FTCDNL1: variants seen among roughly 807,000 people sequenced by gnomAD.
The protein encoded by FTCDNL1 is formiminotransferase N-terminal subdomain-containing protein.
A neutral mutation model predicts 5.9 loss-of-function variants in FTCDNL1; 11 were observed. The observed-to-expected ratio is 1.87, with a 90% CI of 1.18 to 3.10. FTCDNL1 has a LOEUF of 3.10. Ranked by LOEUF, FTCDNL1 falls within the 30% of genes most tolerant of loss-of-function variation. FTCDNL1 has a pLI of 0.00. For missense variants in FTCDNL1, 115 were observed against 65.5 expected (o/e 1.76, Z -2.61); for synonymous variants, 58 against 24.8 (o/e 2.34, Z -3.99).
At chr2:199,734,474 G>A in the FTCDNL1 span, among the ~76,000 whole-genome samples, 1 of 152,088 alleles carries the variant, frequency 6.6e-6, no homozygotes, top group Non-Finnish European at 1.5e-5. Flanking sequence ...AGGATATTTG[G>A]AGATTATCAA....
intron 3 of FTCDNL1, among the ~76,000 whole-genome samples, chr2:199,790,155 T>C (rs1158449285): frequency 6.6e-6 from 1 of 152,068 alleles, no homozygotes; most frequent in African/African-American, 2.4e-5. Flanking sequence ...TTAAAATTTC[T>C]GTATAGCATA....
At chr2:199,676,102 C>G in the FTCDNL1 span, among the ~76,000 whole-genome samples, 2 of 152,146 alleles carry the variant, frequency 1.3e-5, no homozygotes, top group African/African-American at 2.4e-5. Context: ...CTGATTATAT[C>G]CCATTAGCTA....
At chr2:199,739,869 T>C in the FTCDNL1 span, among the ~76,000 whole-genome samples, 1 of 152,198 alleles carries the variant, frequency 6.6e-6, no homozygotes, top group East Asian at 1.9e-4. Context: ...AAGATTTGCA[T>C]TCAGGAGACG....
the FTCDNL1 span, among the ~76,000 whole-genome samples, chr2:199,697,975 G>A: frequency 1.1e-4 from 16 of 151,976 alleles, no homozygotes; most frequent in African/African-American, 3.9e-4. Flanking sequence ...CGAAAGCAGG[G>A]GTTGCTATTC....
At chr2:199,834,591 T>C (rs1559236146) in intron 3 of FTCDNL1, among the ~76,000 whole-genome samples, 2 of 152,136 alleles carry the variant, frequency 1.3e-5, no homozygotes, top group African/African-American at 4.8e-5. Flanking sequence ...GCTGGGTTAG[T>C]CTAATTCTCT....
intron 3 of FTCDNL1, among the ~76,000 whole-genome samples, chr2:199,834,991 T>C (rs1391246226): frequency 2.0e-5 from 3 of 151,570 alleles, no homozygotes; most frequent in African/African-American, 4.9e-5. Flanking sequence ...CTGGGCAACA[T>C]AGCAAGACCC....
chr2:199,717,509 A>ATTTTTTTTTTT, the FTCDNL1 span, among the ~76,000 whole-genome samples: 1,062 of 57,684 alleles, frequency 0.018, 130 homozygotes, highest in African/African-American at 0.062. Flanking sequence ...CAAGGCAGAG[A>ATTTTTTTTTTT]TTTTTTTTTT....
At chr2:199,827,851 C>T (rs560565422) in intron 3 of FTCDNL1, among the ~76,000 whole-genome samples, 2 of 152,104 alleles carry the variant, frequency 1.3e-5, no homozygotes, top group Non-Finnish European at 2.9e-5. Flanking sequence ...CTGGCATGTT[C>T]CTACTTACTA....
chr2:199,729,558 A>G, the FTCDNL1 span, among the ~76,000 whole-genome samples: 1 of 152,344 alleles, frequency 6.6e-6, no homozygotes. Context: ...TACACCAATA[A>G]CAGACAAACA....
intron 3 of FTCDNL1, among the ~76,000 whole-genome samples, chr2:199,777,385 A>G (rs1314856310): frequency 6.6e-6 from 1 of 152,174 alleles, no homozygotes; most frequent in Admixed American, 6.5e-5. Flanking sequence ...GTCAACCAGT[A>G]GGCTGGAGAC....
intron 3 of FTCDNL1, among the ~76,000 whole-genome samples, chr2:199,832,713 C>T (rs1702450987): frequency 1.3e-5 from 2 of 152,102 alleles, no homozygotes; most frequent in South Asian, 2.1e-4. Context: ...CTCTCCTGGG[C>T]TCCAACTGCT....
chr2:199,838,292 AATG>A (rs1383083236), intron 3 of FTCDNL1, among the ~76,000 whole-genome samples: 1 of 152,218 alleles, frequency 6.6e-6, no homozygotes, highest in Admixed American at 6.5e-5. Flanking sequence ...AAAATTTACC[AATG>A]ATTCCAAGTG....
At chr2:199,712,318 T>C in the FTCDNL1 span, among the ~76,000 whole-genome samples, 2 of 152,128 alleles carry the variant, frequency 1.3e-5, no homozygotes, top group African/African-American at 4.8e-5. Flanking sequence ...ACTGCACCAT[T>C]TGGGATATTA....
chr2:199,671,283 T>A, the FTCDNL1 span, among the ~76,000 whole-genome samples: 1 of 151,384 alleles, frequency 6.6e-6, no homozygotes, highest in Admixed American at 6.6e-5. Flanking sequence ...GCACCATCAG[T>A]GATATCATAA....
At chr2:199,836,806 T>C (rs763297536) in intron 3 of FTCDNL1, among the ~76,000 whole-genome samples, 1 of 152,060 alleles carries the variant, frequency 6.6e-6, no homozygotes, top group African/African-American at 2.4e-5. Flanking sequence ...TAAAAGTCCA[T>C]AGCAGGGTAT....
At chr2:199,710,066 A>T in the FTCDNL1 span, among the ~76,000 whole-genome samples, 1 of 152,154 alleles carries the variant, frequency 6.6e-6, no homozygotes, top group Non-Finnish European at 1.5e-5. Context: ...ACATATACAG[A>T]GTGGCAAAAA....
At chr2:199,841,577 C>T (rs1271641290) in intron 3 of FTCDNL1, among the ~76,000 whole-genome samples, 1 of 152,118 alleles carries the variant, frequency 6.6e-6, no homozygotes, top group Non-Finnish European at 1.5e-5. Flanking sequence ...CCTATGTAAA[C>T]ATTGTTCACG....
At chr2:199,792,836 G>A (rs1699997558) in intron 3 of FTCDNL1, among the ~76,000 whole-genome samples, 1 of 151,740 alleles carries the variant, frequency 6.6e-6, no homozygotes. Flanking sequence ...AGAAACCGTG[G>A]GTGCTATTTT....
the FTCDNL1 span, among the ~76,000 whole-genome samples, chr2:199,721,394 G>C: frequency 6.6e-6 from 1 of 152,140 alleles, no homozygotes; most frequent in Non-Finnish European, 1.5e-5. Flanking sequence ...TCCTGTGTTA[G>C]TTTGTTGAGG....
Sources: allele counts gnomAD v4.1 joint callset (sites outside exome capture counted in the v4.1 genomes callset), GRCh38; gene constraint gnomAD v4.1.1; transcripts MANE v1.5; gene names NCBI Gene and HGNC (gene_info 2026-07-23, HGNC 2026-07-21).